The following SLC45A2 variants were observed in gnomAD, a reference collection of about 807,000 sequenced individuals.
SLC45A2 encodes the protein membrane-associated transporter protein.
A neutral mutation model predicts 45.5 loss-of-function variants in SLC45A2; 36 were observed. The observed-to-expected ratio is 0.79, with a 90% CI of 0.61 to 1.04. The LOEUF (loss-of-function observed/expected upper bound fraction) is 1.04, where lower values mean the gene tolerates loss of function less well. Among genes scored for constraint, SLC45A2 ranks in the 50% least tolerant of loss-of-function variants. The pLI is 0.00. For missense variants in SLC45A2, 719 were observed against 671.0 expected (o/e 1.07, Z -0.79); for synonymous variants, 306 against 269.3 (o/e 1.14, Z -1.33).
At chr5:33,950,218 T>C (rs893355007) in intron 5 of SLC45A2, among the ~76,000 whole-genome samples, 12 of 152,076 alleles carry the variant, frequency 7.9e-5, no homozygotes, top group African/African-American at 2.9e-4. Context: ...AAAAAAAGCA[T>C]GAGGGTAGTG....
intron 2 of SLC45A2, among the ~76,000 whole-genome samples, chr5:33,974,153 T>A (rs1752860361): frequency 6.6e-6 from 1 of 152,208 alleles, no homozygotes; most frequent in Admixed American, 6.5e-5. Flanking sequence ...CTCACTCGGT[T>A]CCACAGCCTC....
chr5:33,970,625 G>A (rs970562762), intron 2 of SLC45A2, among the ~76,000 whole-genome samples: 7 of 152,294 alleles, frequency 4.6e-5, no homozygotes, highest in African/African-American at 1.7e-4. Flanking sequence ...CTAACCAGCT[G>A]TGTGACCTTG....
At chr5:33,947,121 A>G in intron 6 of SLC45A2, 42 bp downstream of exon 6, 1 of 1,614,174 alleles carries the variant, frequency 6.2e-7, no homozygotes, top group Non-Finnish European at 8.5e-7. Flanking sequence ...CCTTCAGATG[A>G]GTCTGGATGT....
At chr5:33,978,575 A>G (rs1752994355) in intron 2 of SLC45A2, among the ~76,000 whole-genome samples, 1 of 152,202 alleles carries the variant, frequency 6.6e-6, no homozygotes, top group African/African-American at 2.4e-5. Flanking sequence ...CTTTCTGTTG[A>G]CTTCAACTCT....
intron 2 of SLC45A2, among the ~76,000 whole-genome samples, chr5:33,965,427 A>C (rs1364615960): frequency 6.6e-6 from 1 of 152,242 alleles, no homozygotes; most frequent in African/African-American, 2.4e-5. Flanking sequence ...AGGACCAACA[A>C]TCTAATCATT....
intron 2 of SLC45A2, chr5:33,972,180 C>T (rs1752802969): frequency 1.9e-6 from 1 of 523,160 alleles, no homozygotes; most frequent in South Asian, 1.4e-5. Context: ...GAATTAGATG[C>T]TATTGATGGT....
chr5:33,962,585 T>G (rs1476117641), intron 3 of SLC45A2, among the ~76,000 whole-genome samples: 6 of 152,196 alleles, frequency 3.9e-5, no homozygotes, highest in African/African-American at 1.4e-4. Context: ...ACCCAACAGC[T>G]TATTATGTGG....
rs568625467 is a variant in SLC45A2 at position 33,945,588 on chromosome 5, G to A, written c.1369-716C>T. Among the ~76,000 whole-genome samples the A allele has an allele frequency of 1.1e-4, 16 of 151,932 alleles. No individual in the cohort carries two copies. In the South Asian group the frequency reaches 2.5e-3, roughly 24 times the overall value. On this transcript the variant is annotated intron_variant, in intron 6 of 6. Coordinates refer to ENST00000296589, the MANE Select transcript of SLC45A2 (RefSeq NM_016180.5). The stretch of plus-strand genomic sequence containing the variant: ...GTATTTCAACCTCACCACCTCCCTG[G>A]ATGCACATGTTATTATCATTACCCC...
chr5:33,955,803 G>A (rs2111933103), intron 3 of SLC45A2, among the ~76,000 whole-genome samples: 1 of 152,174 alleles, frequency 6.6e-6, no homozygotes, highest in Non-Finnish European at 1.5e-5. Flanking sequence ...TTAGTTTGAG[G>A]CACTAAGAAG....
In SLC45A2 at chr5:33,951,633, C is replaced by T. The variant is rs1752101530; in HGVS notation, c.1077G>A (p.Glu359=). The T allele has an allele frequency of 1.2e-6, 2 of 1,614,018 alleles. No homozygotes were observed. ...CGACTCCTCTTTCGTAGATGAGAAACTCTGTGGAGTTGTGTGCACTATAGG... is the reference window on the plus strand; with the variant it reads ...CGACTCCTCTTTCGTAGATGAGAAATTCTGTGGAGTTGTGTGCACTATAGG... ...GDPYSAHNST[E]FLIYERGVEV... is the part of the protein sequence containing the mutation. Residue 359 remains glutamate (E), a synonymous_variant, in exon 5 of 7, where the codon GAG becomes GAA. Transcript: ENST00000296589.
At chr5:33,981,432 G>T (rs1023898976) in intron 2 of SLC45A2, among the ~76,000 whole-genome samples, 1 of 152,194 alleles carries the variant, frequency 6.6e-6, no homozygotes, top group African/African-American at 2.4e-5. Context: ...AAAGGCATTG[G>T]CTGGGCTACA....
intron 2 of SLC45A2, among the ~76,000 whole-genome samples, chr5:33,976,262 C>T (rs2111998799): frequency 6.6e-6 from 1 of 152,226 alleles, no homozygotes; most frequent in East Asian, 1.9e-4. Flanking sequence ...GTACCAGTCC[C>T]CCAAAAAGAT....
chr5:33,961,579 C>A (rs575352774), intron 3 of SLC45A2, among the ~76,000 whole-genome samples: 55 of 152,288 alleles, frequency 3.6e-4, no homozygotes, highest in African/African-American at 1.3e-3. Context: ...GGGGCGATCT[C>A]TTCCATAACG....
intron 4 of SLC45A2, among the ~76,000 whole-genome samples, chr5:33,952,673 AG>A (rs1156543176): frequency 9.7e-4 from 73 of 75,244 alleles, no homozygotes; most frequent in African/African-American, 2.4e-3. Context: ...ATTGAGCAAA[AG>A]TTTTTTTTTT....
intron 5 of SLC45A2, among the ~76,000 whole-genome samples, chr5:33,949,408 G>A (rs1401325443): frequency 6.6e-6 from 1 of 152,206 alleles, no homozygotes; most frequent in African/African-American, 2.4e-5. Flanking sequence ...ATTAGAAGTT[G>A]TCCAGTTGGG....
rs750190731 is a variant in SLC45A2, at chr5:33,963,977, T to C, written c.602A>G (p.Asp201Gly). The C allele has an allele frequency of 1.3e-4, 217 of 1,613,896 alleles. No homozygotes were observed. The highest frequency in any genetic ancestry group is 1.8e-4 in the Non-Finnish European group (211 of 1,179,930). ...GALGYLLGAI[D>G]WAHLELGRLL... ...TCTTCCCAGCTCCAGATGGGCCCAG[T>C]CTATAGCACCCAAAAGGTAACCCAG... is the stretch of plus-strand genomic sequence containing the variant. Residue 201 changes from aspartate (D) to glycine (G), a missense_variant, in exon 3 of 7, where the codon GAC becomes GGC. By Grantham distance (94) the Asp-to-Gly change is moderately conservative (BLOSUM62 -1). Transcript: ENST00000296589.
rs1302093545 is a variant in SLC45A2, at chr5:33,944,852, C to T, written c.1389G>A (p.Gly463=). The change falls in exon 7 of 7, where the codon GGG becomes GGA. Residue 463 remains glycine (G), a synonymous_variant. Coordinates refer to ENST00000296589, the MANE Select transcript of SLC45A2 (RefSeq NM_016180.5). ...EEKERQQAPG[G]DPDNSVRGKG... ...TCCCTCTCACGCTGTTGTCTGGGTC[C>T]CCTCCTGGGGCCTGCTGCCTCTGCA... 6.2e-7 allele frequency: 1 copy of T among 1,613,252 alleles called. No individual in the cohort carries two copies. The highest frequency in any genetic ancestry group is 8.5e-7 in the Non-Finnish European group (1 of 1,179,644).
chr5:33,949,525 AGT>A, intron 5 of SLC45A2, among the ~76,000 whole-genome samples: 1 of 152,180 alleles, frequency 6.6e-6, no homozygotes, highest in South Asian at 2.1e-4. Flanking sequence ...TTGATATGGG[AGT>A]GAAAAAGGGC....
At chr5:33,966,213 T>C (rs1264522537) in intron 2 of SLC45A2, among the ~76,000 whole-genome samples, 14 of 152,188 alleles carry the variant, frequency 9.2e-5, no homozygotes, top group Non-Finnish European at 1.5e-4. Context: ...AGAGACTAAT[T>C]TGGAAAATGG....
Sources: allele counts gnomAD v4.1 joint callset (sites outside exome capture counted in the v4.1 genomes callset), GRCh38; gene constraint gnomAD v4.1.1; transcripts MANE v1.5; gene names NCBI Gene and HGNC (gene_info 2026-07-23, HGNC 2026-07-21).